NDRG3: variants seen among roughly 807,000 people sequenced by gnomAD.
NDRG3 encodes the protein NDRG family member 3, also known as protein NDRG3.
NDRG3 carries 23 observed loss-of-function variants against 57.2 expected under a neutral mutation model. The ratio of observed to expected loss-of-function variants is 0.40; its 90% confidence interval spans 0.29 to 0.57. The LOEUF is 0.57. Among genes scored for constraint, NDRG3 ranks in the 20% least tolerant of loss-of-function variants. The pLI, the probability that NDRG3 is intolerant of heterozygous loss-of-function variation, is 0.42. For missense variants in NDRG3, 384 were observed against 457.3 expected (o/e 0.84, Z 1.46); for synonymous variants, 132 against 162.6 (o/e 0.81, Z 1.43).
Position 36,652,536 on chromosome 20 carries a change from C to G in NDRG3, c.*984G>C, listed in dbSNP as rs755478404. On this transcript the variant is annotated 3_prime_UTR_variant, in exon 16 of 16. Coordinates refer to ENST00000349004, the MANE Select transcript of NDRG3 (RefSeq NM_032013.4). Reference sequence around the variant, plus strand: ...GTGTTAATGGCTGTTCCTCTCCCCCCACCCATTTCTCCCCCATCTACATGC... The same window carrying G: ...GTGTTAATGGCTGTTCCTCTCCCCCGACCCATTTCTCCCCCATCTACATGC... 2.0e-5 allele frequency: 3 copies of G among 152,116 alleles called. No homozygotes were observed. Among genetic ancestry groups the G allele is most frequent in the Non-Finnish European group, 1.5e-5 (1 of 68,032 alleles). The allele number at this position is 152,116 out of a possible 1,614,324, so 9.4% of individuals were successfully genotyped here.
At chr20:36,659,549 T>G (rs1978971746) in intron 13 of NDRG3, among the ~76,000 whole-genome samples, 1 of 152,220 alleles carries the variant, frequency 6.6e-6, no homozygotes, top group Non-Finnish European at 1.5e-5. Context: ...TTCCTCTTTT[T>G]TGCAGTGTTT....
At chr20:36,700,424 G>C in intron 3 of NDRG3, 1 of 524,134 alleles carries the variant, frequency 1.9e-6, no homozygotes, top group Non-Finnish European at 3.9e-6. Context: ...AAAAAGAAAG[G>C]AAGCACTCAC....
chr20:36,674,883 CAG>C (rs1255623401), intron 8 of NDRG3, among the ~76,000 whole-genome samples: 12 of 140,902 alleles, frequency 8.5e-5, no homozygotes, highest in African/African-American at 3.2e-4. Context: ...CATGCCCAGC[CAG>C]ATTTTTTTTT....
intron 1 of NDRG3, among the ~76,000 whole-genome samples, chr20:36,727,686 C>T (rs983685975): frequency 6.6e-6 from 1 of 151,818 alleles, no homozygotes; most frequent in African/African-American, 2.4e-5. Context: ...GGACTACAGG[C>T]GCCCGCCACC....
intron 3 of NDRG3, among the ~76,000 whole-genome samples, chr20:36,693,805 G>A (rs187982567): frequency 1.2e-4 from 18 of 151,676 alleles, no homozygotes; most frequent in African/African-American, 3.9e-4. Flanking sequence ...AACAAGCTCA[G>A]GGCTCCAACA....
chr20:36,654,755 C>T (rs745566856), intron 15 of NDRG3: 1 of 779,426 alleles, frequency 1.3e-6, no homozygotes, highest in Non-Finnish European at 2.4e-6. Context: ...CCAGTGCAGC[C>T]AGGAGAGACT....
chr20:36,737,156 C>T (rs569123453), intron 1 of NDRG3, among the ~76,000 whole-genome samples: 1 of 152,264 alleles, frequency 6.6e-6, no homozygotes, highest in Non-Finnish European at 1.5e-5. Context: ...ACTGCTAGAA[C>T]AAAGCAAGAC....
intron 15 of NDRG3, among the ~76,000 whole-genome samples, chr20:36,654,533 G>GTGGTGGAAGATGGGCCC (rs1384566396): frequency 6.6e-6 from 1 of 152,206 alleles, no homozygotes; most frequent in African/African-American, 2.4e-5. Context: ...TCAGTAGGTG[G>GTGGTGGAAGATGGGCCC]TGGTGGAAGA....
intron 2 of NDRG3, among the ~76,000 whole-genome samples, chr20:36,709,163 C>T (rs549702221): frequency 1.6e-3 from 245 of 152,240 alleles, no homozygotes; most frequent in Non-Finnish European, 3.0e-3. Flanking sequence ...GTACGGTAGC[C>T]GTTAGCCATA....
At chr20:36,693,105 A>AAAAAAAAAAAAAAAAAAAATATAT (rs56739356) in intron 3 of NDRG3, among the ~76,000 whole-genome samples, 1 of 25,858 alleles carries the variant, frequency 3.9e-5, no homozygotes, top group Admixed American at 8.6e-4. Flanking sequence ...AAAAAAAAAA[A>AAAAAAAAAAAAAAAAAAAATATAT]ATATATATAT....
chr20:36,665,184 C>A, intron 11 of NDRG3, 52 bp downstream of exon 11: 1 of 1,604,182 alleles, frequency 6.2e-7, no homozygotes, highest in Admixed American at 1.7e-5. Context: ...AGTCTATGAA[C>A]ACCAAATTAG....
At chr20:36,688,563 A>G in intron 4 of NDRG3, 116 bp downstream of exon 4, 2 of 750,316 alleles carry the variant, frequency 2.7e-6, no homozygotes. Flanking sequence ...ACAAGGAGGG[A>G]AAGTTACCAC....
At position 36,653,488 on chromosome 20, in the gene NDRG3, G is replaced by C. The variant is rs1978383261; in HGVS notation, c.*32C>G. On this transcript the variant is annotated 3_prime_UTR_variant, in exon 16 of 16. Coordinates refer to ENST00000349004, the MANE Select transcript of NDRG3 (RefSeq NM_032013.4). This position sits in a 1 kb window ranked among gnomAD's most constrained non-coding sequence, Gnocchi z 4.2. ...TTATGGAGTGGTCATTTGAAGGATG[G>C]ACTTGCAATGGTCCAGGGGAGGAGC... 6.3e-7 allele frequency: 1 copy of C among 1,596,670 alleles called. No individual in the cohort carries two copies. Among genetic ancestry groups the C allele is most frequent in the African/African-American group, 1.3e-5 (1 of 74,580 alleles).
intron 1 of NDRG3, among the ~76,000 whole-genome samples, chr20:36,722,970 G>A (rs768466293): frequency 3.9e-5 from 6 of 152,216 alleles, no homozygotes; most frequent in Non-Finnish European, 7.3e-5. Context: ...CAGCCCTCTG[G>A]CGAGGCCCAT....
chr20:36,738,388 G>C (rs1370706530), intron 1 of NDRG3, among the ~76,000 whole-genome samples: 1 of 150,680 alleles, frequency 6.6e-6, no homozygotes, highest in African/African-American at 2.4e-5. Flanking sequence ...CCAGCTACAC[G>C]AGAGACTGAG....
At chr20:36,690,408 C>T (rs969517202) in intron 3 of NDRG3, among the ~76,000 whole-genome samples, 3 of 147,052 alleles carry the variant, frequency 2.0e-5, no homozygotes, top group Non-Finnish European at 4.5e-5. Context: ...CCGAATAGAG[C>T]AGACAAAAGA....
chr20:36,692,179 G>C (rs1480612600), intron 3 of NDRG3, among the ~76,000 whole-genome samples: 1 of 152,164 alleles, frequency 6.6e-6, no homozygotes, highest in Non-Finnish European at 1.5e-5. Flanking sequence ...TGGTGACCAG[G>C]ATGCAGAGAA....
chr20:36,670,179 G>A (rs747639563), intron 9 of NDRG3, among the ~76,000 whole-genome samples: 4 of 152,190 alleles, frequency 2.6e-5, no homozygotes, highest in Non-Finnish European at 4.4e-5. Flanking sequence ...TGATGAAAAT[G>A]TTTTGTGTTC....
At chr20:36,694,044 G>C (rs917845277) in intron 3 of NDRG3, among the ~76,000 whole-genome samples, 1 of 151,956 alleles carries the variant, frequency 6.6e-6, no homozygotes. Context: ...TAAGAAAATC[G>C]TAAGGCAGAG....
Sources: allele counts gnomAD v4.1 joint callset (sites outside exome capture counted in the v4.1 genomes callset), GRCh38; gene constraint gnomAD v4.1.1; non-coding constraint Gnocchi (gnomAD v3.1); transcripts MANE v1.5; gene names NCBI Gene and HGNC (gene_info 2026-07-23, HGNC 2026-07-21).